Variants in CPNE8 observed in about 807,000 individuals in gnomAD.
CPNE8 encodes the protein copine-8.
CPNE8 carries 45 observed loss-of-function variants against 81.5 expected under a neutral mutation model. That is an observed-to-expected ratio of 0.55 (90% CI 0.44 to 0.71). The LOEUF is 0.71. Among genes scored for constraint, CPNE8 ranks in the 30% least tolerant of loss-of-function variants. The pLI is 0.00. For synonymous variants in CPNE8, 252 were observed against 226.3 expected (o/e 1.11, Z -1.02); for missense variants, 594 against 672.1 (o/e 0.88, Z 1.28).
chr12:38,731,312 T>A (rs1021035226), intron 10 of CPNE8, among the ~76,000 whole-genome samples: 1 of 151,928 alleles, frequency 6.6e-6, no homozygotes, highest in African/African-American at 2.4e-5. Context: ...TGCAAGCTAT[T>A]CCTTGCCATA....
Position 38,805,688 on chromosome 12 carries a change from AAAAG to A in CPNE8, c.407+23687_407+23690del, listed in dbSNP as rs1391705419. Among the ~76,000 whole-genome samples the A allele has an allele frequency of 4.8e-3, 700 of 145,590 alleles. 13 individuals are homozygous for A. The highest frequency in any genetic ancestry group is 0.016 in the African/African-American group (630 of 40,456). ...AAAAAAAAAAACATTAAAAAAAAAA[AAAAG>A]AACTAGAAAAGCAAGAGCAAACACA... On this transcript the variant is annotated intron_variant, in intron 6 of 19. Coordinates refer to ENST00000331366, the MANE Select transcript of CPNE8 (RefSeq NM_153634.3).
intron 17 of CPNE8, chr12:38,676,385 C>G (rs540042123): frequency 9.1e-6 from 7 of 766,578 alleles, no homozygotes; most frequent in South Asian, 5.9e-5. Flanking sequence ...TACTCTCAGA[C>G]AAAACCTTTC....
intron 7 of CPNE8, among the ~76,000 whole-genome samples, chr12:38,770,327 G>T (rs959190539): frequency 6.6e-6 from 1 of 152,074 alleles, no homozygotes; most frequent in Non-Finnish European, 1.5e-5. Context: ...CCTTTATCCA[G>T]TCCACCACCA....
chr12:38,896,853 T>C (rs1944395289), intron 1 of CPNE8, among the ~76,000 whole-genome samples: 1 of 152,112 alleles, frequency 6.6e-6, no homozygotes, highest in African/African-American at 2.4e-5. Context: ...ACTATAAATT[T>C]TTCCAAAGTA....
intron 10 of CPNE8, among the ~76,000 whole-genome samples, chr12:38,740,100 A>G (rs1031627400): frequency 3.9e-5 from 6 of 152,190 alleles, no homozygotes; most frequent in Non-Finnish European, 7.4e-5. Flanking sequence ...TCATTTTAAA[A>G]CATAAATCTT....
At chr12:38,755,375 C>T (rs986121824) in intron 10 of CPNE8, among the ~76,000 whole-genome samples, 1 of 152,040 alleles carries the variant, frequency 6.6e-6, no homozygotes, top group Non-Finnish European at 1.5e-5. Context: ...ACAATCAGTC[C>T]CACATCACAA....
At chr12:38,796,713 G>A (rs576565823) in intron 6 of CPNE8, among the ~76,000 whole-genome samples, 11 of 152,140 alleles carry the variant, frequency 7.2e-5, no homozygotes, top group Non-Finnish European at 1.5e-4. Flanking sequence ...TGGGTGGAGC[G>A]CACCATGTCC....
chr12:38,795,840 G>A (rs1942447842), intron 6 of CPNE8, among the ~76,000 whole-genome samples: 2 of 150,882 alleles, frequency 1.3e-5, no homozygotes, highest in Non-Finnish European at 1.5e-5. Flanking sequence ...CACTTAAAAT[G>A]GTAAATATGA....
At position 38,795,905 on chromosome 12, in the gene CPNE8, T is replaced by TAGATAGATAGATAGAAGAC. The variant is rs1555160643; in HGVS notation, c.408-19605_408-19604insGTCTTCTATCTATCTATCT. Among the ~76,000 whole-genome samples, 519 of 148,332 alleles carry TAGATAGATAGATAGAAGAC rather than the reference T, an allele frequency of 3.5e-3. 5 individuals are homozygous for TAGATAGATAGATAGAAGAC. The highest frequency in any genetic ancestry group is 0.012 in the African/African-American group (481 of 40,286). ...GATAGATAGATAGATAGATAGAAGA[T>TAGATAGATAGATAGAAGAC]AGATAATACAACATGACCAGTTGAG... On this transcript the variant is annotated intron_variant, in intron 6 of 19. Coordinates refer to ENST00000331366, the MANE Select transcript of CPNE8 (RefSeq NM_153634.3).
chr12:38,803,651 T>C (rs1216064539), intron 6 of CPNE8, among the ~76,000 whole-genome samples: 104 of 148,712 alleles, frequency 7.0e-4, no homozygotes, highest in Non-Finnish European at 1.1e-3. Context: ...TTGGAAGTTC[T>C]GGCCAGGGCA....
At chr12:38,763,498 A>G (rs964026103) in intron 8 of CPNE8, among the ~76,000 whole-genome samples, 2 of 152,242 alleles carry the variant, frequency 1.3e-5, no homozygotes, top group Non-Finnish European at 2.9e-5. Flanking sequence ...AAGACCATTT[A>G]GTGTGTGGGT....
At chr12:38,803,111 T>C (rs1942722249) in intron 6 of CPNE8, among the ~76,000 whole-genome samples, 1 of 61,820 alleles carries the variant, frequency 1.6e-5, no homozygotes, top group East Asian at 4.3e-4. Context: ...CTTCTGAAAC[T>C]ATTCCAATCA....
chr12:38,768,492 G>C (rs1473348029), intron 7 of CPNE8, among the ~76,000 whole-genome samples: 3 of 152,032 alleles, frequency 2.0e-5, no homozygotes, highest in Non-Finnish European at 4.4e-5. Context: ...AAATAGTTTT[G>C]TGGGGTTTTG....
At position 38,791,846 on chromosome 12, in the gene CPNE8, T is replaced by C. The variant is rs545463221; in HGVS notation, c.408-15545A>G. On this transcript the variant is annotated intron_variant, in intron 6 of 19. Transcript: ENST00000331366. ...ACCACATTTTAGGACACAAAACAAG[T>C]CTTAACAAATTCACAAAGCTTGAAA... Among the ~76,000 whole-genome samples, 13 of 151,532 alleles carry C rather than the reference T, an allele frequency of 8.6e-5. No individual in the cohort carries two copies. In the East Asian group the frequency reaches 2.1e-3, roughly 25 times the overall value.
At position 38,831,626 on chromosome 12, in the gene CPNE8, A is replaced by G. The variant is rs143973962; in HGVS notation, c.331-2171T>C. Among the ~76,000 whole-genome samples the G allele has an allele frequency of 2.6e-3, 403 of 152,360 alleles. 2 individuals are homozygous for G. Among genetic ancestry groups the G allele is most frequent in the African/African-American group, 9.5e-3 (393 of 41,586 alleles). ...ATTTGTTTTCAAATACATAAAGAGA[A>G]TTTAAGATAAAGCTTTCCCATATTT... is the stretch of plus-strand genomic sequence containing the variant. On this transcript the variant is annotated intron_variant, in intron 5 of 19. Transcript: ENST00000331366.
intron 5 of CPNE8, 152 bp downstream of exon 5, chr12:38,839,764 T>G: frequency 9.0e-6 from 6 of 669,706 alleles, no homozygotes; most frequent in Non-Finnish European, 1.3e-5. Context: ...TCCAAAATGT[T>G]TTTCTGGGGT....
intron 10 of CPNE8, among the ~76,000 whole-genome samples, chr12:38,750,634 T>C (rs183765515): frequency 6.6e-6 from 1 of 152,332 alleles, no homozygotes; most frequent in Admixed American, 6.5e-5. Flanking sequence ...AGCCCCTTTG[T>C]TTTGGCCAAT....
intron 6 of CPNE8, among the ~76,000 whole-genome samples, chr12:38,793,482 A>G (rs1942377955): frequency 6.6e-6 from 1 of 151,998 alleles, no homozygotes; most frequent in Admixed American, 6.6e-5. Context: ...TAGCATTAAA[A>G]TGAACAAAAT....
At chr12:38,701,587 G>A (rs1408163242) in intron 14 of CPNE8, among the ~76,000 whole-genome samples, 2 of 152,018 alleles carry the variant, frequency 1.3e-5, no homozygotes, top group African/African-American at 2.4e-5. Flanking sequence ...TCTACCTCTT[G>A]GGTTCAAGTG....
Sources: allele counts gnomAD v4.1 joint callset (sites outside exome capture counted in the v4.1 genomes callset), GRCh38; gene constraint gnomAD v4.1.1; transcripts MANE v1.5; gene names NCBI Gene and HGNC (gene_info 2026-07-23, HGNC 2026-07-21).